ZNF568: variants seen among roughly 807,000 people sequenced by gnomAD.
The protein encoded by ZNF568 is p53 inhibitor of SCO2 activation.
ZNF568 carries 11 observed loss-of-function variants against 18.1 expected under a neutral mutation model. The observed-to-expected ratio is 0.61, with a 90% CI of 0.38 to 1.00. ZNF568 has a LOEUF of 1.00. ZNF568 is among the 50% of genes least tolerant of loss of function. ZNF568 has a pLI of 0.01. For missense variants in ZNF568, 639 were observed against 768.2 expected (o/e 0.83, Z 1.99); for synonymous variants, 213 against 246.6 (o/e 0.86, Z 1.28).
chr19:36,928,209 C>G (rs1228266740), intron 4 of ZNF568, among the ~76,000 whole-genome samples: 1 of 151,626 alleles, frequency 6.6e-6, no homozygotes, highest in Non-Finnish European at 1.5e-5. Context: ...TGAGCCATTG[C>G]ACCTGTCCCG....
At chr19:36,936,671 A>C in intron 4 of ZNF568, 75 bp from the exon 5 acceptor site, 1 of 1,480,114 alleles carries the variant, frequency 6.8e-7, no homozygotes. Context: ...GTACCAGCTA[A>C]ACAAGTTCTT....
chr19:36,994,617 GA>G (rs1484890611), intron 4 of ZNF568, among the ~76,000 whole-genome samples: 2 of 152,046 alleles, frequency 1.3e-5, no homozygotes, highest in African/African-American at 4.8e-5. Flanking sequence ...ACAGTTTTCT[GA>G]CTATCATTAT....
At position 36,916,905 on chromosome 19, in the gene ZNF568, T is replaced by C. The variant is rs1042463296; in HGVS notation, c.-256+314T>C. Among the ~76,000 whole-genome samples the C allele has an allele frequency of 1.3e-5, 2 of 152,164 alleles. No homozygotes were observed. Among genetic ancestry groups the C allele is most frequent in the Admixed American group, 6.5e-5 (1 of 15,278 alleles). ...TTTTCTACTGATCCTCCCTCCTTGT[T>C]GGCCACTCCTCTGTAGTCTTCTTTG... On this transcript the variant is annotated intron_variant, in intron 1 of 6. Transcript: ENST00000333987. This position sits in a 1 kb window ranked among gnomAD's most constrained non-coding sequence, Gnocchi z 5.3.
chr19:36,985,511 GTTTGT>G (rs74179499), intron 2 of ZNF568, among the ~76,000 whole-genome samples: 1,443 of 36,384 alleles, frequency 0.04, 25 homozygotes, highest in African/African-American at 0.17. Context: ...TTGTTTGTTT[GTTTGT>G]TTTGTTTTGT....
chr19:36,993,279 A>AT (rs2074441513), intron 4 of ZNF568, among the ~76,000 whole-genome samples: 2 of 152,244 alleles, frequency 1.3e-5, no homozygotes, highest in East Asian at 3.9e-4. Flanking sequence ...CCTACCTTGC[A>AT]TTTGTAGGAT....
intron 6 of ZNF568, among the ~76,000 whole-genome samples, chr19:36,946,021 G>A (rs2073958721): frequency 1.3e-5 from 2 of 151,958 alleles, no homozygotes; most frequent in South Asian, 4.2e-4. Context: ...CTTGAACCCG[G>A]GAGGCGGAGG....
chr19:36,995,313 C>T (rs1461236201), intron 4 of ZNF568, among the ~76,000 whole-genome samples: 1 of 152,154 alleles, frequency 6.6e-6, no homozygotes, highest in Non-Finnish European at 1.5e-5. Flanking sequence ...GCATGAGAAT[C>T]ACTTGAACCC....
intron 7 of ZNF568, among the ~76,000 whole-genome samples, chr19:36,975,912 TCTC>T (rs376006657): frequency 2.8e-4 from 42 of 151,892 alleles, no homozygotes; most frequent in African/African-American, 9.7e-4. Context: ...GTCAGGCTGG[TCTC>T]CTACTCCTGA....
At chr19:36,923,225 A>G (rs901862979) in intron 3 of ZNF568, among the ~76,000 whole-genome samples, 15 of 152,048 alleles carry the variant, frequency 9.9e-5, no homozygotes, top group Admixed American at 9.2e-4. Flanking sequence ...CTAATGCTTC[A>G]TTTCTCAGTT....
chr19:36,978,678 A>G (rs758440320), intron 7 of ZNF568, among the ~76,000 whole-genome samples: 64 of 152,240 alleles, frequency 4.2e-4, no homozygotes, highest in Middle Eastern at 3.4e-3. Flanking sequence ...TAATTATTTC[A>G]TCTGTGAGAA....
intron 2 of ZNF568, among the ~76,000 whole-genome samples, chr19:36,918,954 A>G (rs549624680): frequency 6.6e-6 from 1 of 152,184 alleles, no homozygotes; most frequent in African/African-American, 2.4e-5. Flanking sequence ...GTTAGCATGT[A>G]TTGGAATTTC....
chr19:36,995,089 G>A (rs1431722827), intron 4 of ZNF568, among the ~76,000 whole-genome samples: 1 of 151,548 alleles, frequency 6.6e-6, no homozygotes, highest in Non-Finnish European at 1.5e-5. Flanking sequence ...AACTATTTGT[G>A]TCCTTGAATC....
chr19:36,963,890 C>G (rs1481882113), intron 6 of ZNF568, among the ~76,000 whole-genome samples: 2 of 151,578 alleles, frequency 1.3e-5, no homozygotes, highest in Non-Finnish European at 2.9e-5. Flanking sequence ...TCGCTTGAAC[C>G]TGGGAGGTGG....
chr19:36,957,404 G>A (rs1173432083), downstream of ZNF568, among the ~76,000 whole-genome samples: 2 of 151,738 alleles, frequency 1.3e-5, no homozygotes, highest in Non-Finnish European at 2.9e-5. Context: ...GCTAACTTTT[G>A]TATTTTTAGT....
At chr19:36,942,617 AGAAG>A (rs2073902269) in intron 6 of ZNF568, among the ~76,000 whole-genome samples, 1 of 99,130 alleles carries the variant, frequency 1.0e-5, no homozygotes, top group Non-Finnish European at 2.1e-5. Flanking sequence ...AAAAAAAAAA[AGAAG>A]AATAGAGAGA....
rs573204075 is a variant in ZNF568 at position 36,922,784 on chromosome 19, C to A, written c.14C>A (p.Ser5Tyr). The stretch of plus-strand genomic sequence containing the variant: ...GGCAGGGTCTGAATGACATCTCAAT[C>A]TTCAGTGATCAGCAATAGCTGTGTG... Reference protein sequence around the residue: MTSQSSVISNSCVTM... With the variant: MTSQYSVISNSCVTM... The change falls in exon 3 of 7, where the codon TCT becomes TAT. Residue 5 changes from serine (S) to tyrosine (Y), a missense_variant. By Grantham distance (144) the Ser-to-Tyr change is moderately radical (BLOSUM62 -2). Coordinates refer to ENST00000333987, the MANE Select transcript of ZNF568 (RefSeq NM_198539.4). 65 of 1,613,994 alleles carry A rather than the reference C, an allele frequency of 4.0e-5. No homozygotes were observed. In the South Asian group the frequency reaches 6.9e-4, roughly 17 times the overall value.
chr19:36,991,435 A>G (rs2146349338), intron 3 of ZNF568: 1 of 1,210,654 alleles, frequency 8.3e-7, no homozygotes, highest in African/African-American at 1.5e-5. Context: ...TTTCTTGCTC[A>G]CCAAAAGAAT....
chr19:36,927,625 C>T (rs1199241004), intron 4 of ZNF568, among the ~76,000 whole-genome samples: 1 of 151,124 alleles, frequency 6.6e-6, no homozygotes, highest in Non-Finnish European at 1.5e-5. Flanking sequence ...AATGATTTCA[C>T]CACTTCTTTA....
At chr19:36,990,116 A>G (rs1486476407) in intron 2 of ZNF568, among the ~76,000 whole-genome samples, 1 of 152,206 alleles carries the variant, frequency 6.6e-6, no homozygotes, top group Admixed American at 6.5e-5. Flanking sequence ...AGATATGTAG[A>G]TTGTATGGAG....
Sources: gnomAD v4.1 joint callset for allele counts (sites outside exome capture counted in the v4.1 genomes callset) on GRCh38, gnomAD v4.1.1 for gene constraint, Gnocchi (gnomAD v3.1) non-coding constraint, MANE v1.5 for transcripts, NCBI Gene and HGNC (gene_info 2026-07-23, HGNC 2026-07-21) for gene names.